CCSER1: variants seen among roughly 807,000 people sequenced by gnomAD.
CCSER1 encodes coiled-coil serine rich protein 1.
CCSER1 carries 41 observed loss-of-function variants against 82.0 expected under a neutral mutation model. The observed-to-expected ratio is 0.50, with a 90% confidence interval of 0.39 to 0.65. The LOEUF (loss-of-function observed/expected upper bound fraction) is 0.65, where lower values mean the gene tolerates loss of function less well. Among genes scored for constraint, CCSER1 ranks in the 30% least tolerant of loss-of-function variants. CCSER1 has a pLI of 0.00. For synonymous variants in CCSER1, 414 were observed against 383.9 expected (o/e 1.08, Z -0.92); for missense variants, 1,119 against 1,064.2 (o/e 1.05, Z -0.72).
intron 10 of CCSER1, among the ~76,000 whole-genome samples, chr4:91,115,806 CTT>C (rs527629667): frequency 0.28 from 27,873 of 100,926 alleles, 2,879 homozygotes; most frequent in East Asian, 0.4. Flanking sequence ...CTAGCTTTTT[CTT>C]TTTTTTTTTT....
chr4:91,564,102 T>C (rs1362585215), intron 10 of CCSER1, among the ~76,000 whole-genome samples: 1 of 151,928 alleles, frequency 6.6e-6, no homozygotes, highest in Non-Finnish European at 1.5e-5. Context: ...TAAGTTCTTA[T>C]CATTTAGCTC....
At chr4:91,340,632 A>G (rs1039975382) in intron 10 of CCSER1, among the ~76,000 whole-genome samples, 4 of 152,188 alleles carry the variant, frequency 2.6e-5, no homozygotes, top group African/African-American at 9.7e-5. Context: ...TATACATGCT[A>G]TCTTCTATCA....
chr4:90,820,643 A>G (rs1180995473), intron 8 of CCSER1, among the ~76,000 whole-genome samples: 2 of 152,160 alleles, frequency 1.3e-5, no homozygotes, highest in Non-Finnish European at 2.9e-5. Flanking sequence ...CGACATACTC[A>G]GACCATAGGA....
At chr4:90,622,106 TC>T (rs1427966665) in intron 5 of CCSER1, among the ~76,000 whole-genome samples, 1 of 151,828 alleles carries the variant, frequency 6.6e-6, no homozygotes, top group African/African-American at 2.4e-5. Context: ...GGAGTGTAGA[TC>T]AGCTCATTCA....
chr4:91,448,035 T>C (rs1348392398), intron 10 of CCSER1, among the ~76,000 whole-genome samples: 1 of 152,076 alleles, frequency 6.6e-6, no homozygotes, highest in African/African-American at 2.4e-5. Flanking sequence ...TTAGCAAAGT[T>C]TTACATAGGC....
At chr4:91,103,570 T>A (rs1725296242) in intron 10 of CCSER1, among the ~76,000 whole-genome samples, 1 of 152,172 alleles carries the variant, frequency 6.6e-6, no homozygotes, top group African/African-American at 2.4e-5. Flanking sequence ...GCTGGAACTG[T>A]GGCAGAGGAA....
chr4:90,249,972 A>T lies in CCSER1; in HGVS notation c.-41-58272A>T, dbSNP rs568226869. ...AAAGTGGTGCCTCATTGTGGGTTTG[A>T]TTTGCATTTCCTTAATGGCTAATTA... On this transcript the variant is annotated intron_variant, in intron 1 of 10. Transcript: ENST00000509176. Among the ~76,000 whole-genome samples, 54 of 152,148 alleles carry T rather than the reference A, an allele frequency of 3.5e-4. 1 individual carries two copies. The South Asian group carries it at 0.011, about 30-fold the overall frequency.
chr4:90,591,135 T>C (rs1782641368), intron 5 of CCSER1, among the ~76,000 whole-genome samples: 1 of 152,180 alleles, frequency 6.6e-6, no homozygotes, highest in Non-Finnish European at 1.5e-5. Flanking sequence ...TTGTGATTTT[T>C]GTACATTGCT....
At chr4:90,727,144 G>A (rs147687286) in intron 7 of CCSER1, 132 of 434,346 alleles carry the variant, frequency 3.0e-4, no homozygotes, top group African/African-American at 2.1e-3. Flanking sequence ...ATTGTTATGG[G>A]CATCTATTTG....
At chr4:90,795,827 A>C (rs1381931611) in intron 7 of CCSER1, among the ~76,000 whole-genome samples, 1 of 151,298 alleles carries the variant, frequency 6.6e-6, no homozygotes, top group Non-Finnish European at 1.5e-5. Flanking sequence ...AACCAACCTT[A>C]CATCTCATGG....
intron 10 of CCSER1, among the ~76,000 whole-genome samples, chr4:91,285,717 TG>T (rs1743227616): frequency 6.6e-6 from 1 of 151,910 alleles, no homozygotes; most frequent in Admixed American, 6.6e-5. Context: ...TTCATGAATT[TG>T]GAATGCTTAT....
intron 3 of CCSER1, among the ~76,000 whole-genome samples, chr4:90,329,843 A>G (rs187320443): frequency 5.8e-4 from 89 of 152,232 alleles, no homozygotes; most frequent in Non-Finnish European, 8.2e-4. Context: ...AGAGAAATTT[A>G]ATTTGCATTT....
chr4:90,570,468 G>A (rs568116098), intron 5 of CCSER1, among the ~76,000 whole-genome samples: 1 of 152,184 alleles, frequency 6.6e-6, no homozygotes, highest in South Asian at 2.1e-4. Context: ...TGAACCCACT[G>A]CATCACCAGA....
intron 6 of CCSER1, among the ~76,000 whole-genome samples, chr4:90,657,198 T>G (rs1729854687): frequency 6.6e-6 from 1 of 152,120 alleles, no homozygotes; most frequent in Non-Finnish European, 1.5e-5. Context: ...CCTATATCAG[T>G]TTCATCTTAA....
At chr4:91,014,678 G>GCCTTGT (rs1473154645) in intron 9 of CCSER1, among the ~76,000 whole-genome samples, 17 of 82,504 alleles carry the variant, frequency 2.1e-4, no homozygotes, top group East Asian at 5.2e-4. Context: ...CTAAGCAAAT[G>GCCTTGT]TAAACATACA....
At chr4:90,722,881 A>G (rs926836948) in intron 6 of CCSER1, among the ~76,000 whole-genome samples, 1 of 151,936 alleles carries the variant, frequency 6.6e-6, no homozygotes, top group Non-Finnish European at 1.5e-5. Context: ...GAAAGTCTCT[A>G]AGAATAAGTA....
chr4:90,692,855 T>C (rs2149242571), intron 6 of CCSER1, among the ~76,000 whole-genome samples: 1 of 152,140 alleles, frequency 6.6e-6, no homozygotes, highest in Non-Finnish European at 1.5e-5. Flanking sequence ...TTTATTTTGC[T>C]CATTTATCAT....
At chr4:91,395,770 T>A (rs1228989801) in intron 10 of CCSER1, among the ~76,000 whole-genome samples, 3 of 151,920 alleles carry the variant, frequency 2.0e-5, no homozygotes, top group African/African-American at 7.2e-5. Flanking sequence ...GAAAAAAAAA[T>A]TCCCTGCTTG....
intron 10 of CCSER1, among the ~76,000 whole-genome samples, chr4:91,555,240 T>A (rs530489114): frequency 6.6e-6 from 1 of 151,290 alleles, no homozygotes; most frequent in African/African-American, 2.4e-5. Context: ...AGACTCACAC[T>A]ACCAAATTCA....
Sources: gnomAD v4.1 joint callset for allele counts (sites outside exome capture counted in the v4.1 genomes callset) on GRCh38, gnomAD v4.1.1 for gene constraint, MANE v1.5 for transcripts, NCBI Gene and HGNC (gene_info 2026-07-23, HGNC 2026-07-21) for gene names.